The following MEI4 variants were observed in gnomAD, a reference collection of about 807,000 sequenced individuals.
The protein encoded by MEI4 is meiotic double-stranded break formation protein 4, also known as meiosis-specific protein MEI4.
In MEI4, 27 loss-of-function variants were observed where a neutral mutation model predicts 31.4. The ratio of observed to expected loss-of-function variants is 0.86; its 90% confidence interval spans 0.63 to 1.19. The LOEUF (loss-of-function observed/expected upper bound fraction) is 1.19. Among genes scored for constraint, MEI4 ranks in the 50% most tolerant of loss-of-function variants. The pLI, the probability that MEI4 is intolerant of heterozygous loss-of-function variation, is 0.00. For synonymous variants in MEI4, 122 were observed against 145.4 expected (o/e 0.84, Z 1.16); for missense variants, 329 against 398.9 (o/e 0.82, Z 1.49).
chr6:77,716,973 G>A lies in MEI4; in HGVS notation c.232+26070G>A, dbSNP rs369050462. ...AGGGGTGGGTTGCCCCTACACACCT[G>A]TGGGTGTTTCTCGTAAGGTGGGACG... On this transcript the variant is annotated intron_variant, in intron 2 of 4. Coordinates refer to ENST00000684080, the MANE Select transcript of MEI4 (RefSeq NM_001322247.2). The A allele has an allele frequency of 5.3e-4, 160 of 303,240 alleles. 1 individual carries two copies. Among genetic ancestry groups the A allele is most frequent in the African/African-American group, 3.3e-3 (147 of 43,894 alleles). The allele number at this position is 303,240 out of a possible 1,614,324, so 18.8% of individuals were successfully genotyped here.
chr6:77,777,762 C>T (rs959009475), intron 3 of MEI4, among the ~76,000 whole-genome samples: 6 of 151,820 alleles, frequency 4.0e-5, no homozygotes, highest in African/African-American at 1.4e-4. Flanking sequence ...ATGGGGGAAC[C>T]AAAGAGCAGG....
At chr6:77,793,086 G>A (rs1768981682) in intron 3 of MEI4, among the ~76,000 whole-genome samples, 1 of 152,058 alleles carries the variant, frequency 6.6e-6, no homozygotes, top group Admixed American at 6.6e-5. Flanking sequence ...AAAATCATTT[G>A]ACCATAGTGC....
chr6:77,894,961 A>G (rs920142563), intron 4 of MEI4, among the ~76,000 whole-genome samples: 10 of 152,136 alleles, frequency 6.6e-5, no homozygotes, highest in Admixed American at 2.6e-4. Context: ...CCCTCACTGG[A>G]TATTTAAACA....
At chr6:77,892,745 G>A (rs1332748620) in intron 4 of MEI4, among the ~76,000 whole-genome samples, 1 of 152,154 alleles carries the variant, frequency 6.6e-6, no homozygotes, top group African/African-American at 2.4e-5. Flanking sequence ...CAGCTCTCTG[G>A]ATAAATGTAG....
chr6:77,865,749 T>C (rs1385094611), intron 4 of MEI4, among the ~76,000 whole-genome samples: 2 of 152,164 alleles, frequency 1.3e-5, no homozygotes, highest in Non-Finnish European at 2.9e-5. Flanking sequence ...ATCATCCTGA[T>C]ACCAAAGCCT....
At chr6:77,803,532 G>A (rs554010827) in intron 3 of MEI4, among the ~76,000 whole-genome samples, 1 of 152,276 alleles carries the variant, frequency 6.6e-6, no homozygotes, top group South Asian at 2.1e-4. Flanking sequence ...CGTTCCTTTG[G>A]TGGAGAAGAG....
intron 3 of MEI4, among the ~76,000 whole-genome samples, chr6:77,764,058 C>G (rs987682543): frequency 6.6e-6 from 1 of 152,084 alleles, no homozygotes; most frequent in South Asian, 2.1e-4. Context: ...GTGATCTGCC[C>G]ACTTCGGTCT....
At chr6:77,743,691 C>T (rs1767487827) in intron 2 of MEI4, among the ~76,000 whole-genome samples, 1 of 152,148 alleles carries the variant, frequency 6.6e-6, no homozygotes, top group African/African-American at 2.4e-5. Context: ...CCCCTGACCC[C>T]CGAGCAGCCT....
chr6:77,768,010 A>C (rs2127685350), intron 3 of MEI4, among the ~76,000 whole-genome samples: 1 of 152,292 alleles, frequency 6.6e-6, no homozygotes, highest in African/African-American at 2.4e-5. Context: ...ATAGTTTATA[A>C]AGTACTTTCA....
chr6:77,877,362 A>G (rs1046426157), intron 4 of MEI4, among the ~76,000 whole-genome samples: 1 of 152,040 alleles, frequency 6.6e-6, no homozygotes, highest in Middle Eastern at 3.2e-3. Flanking sequence ...GTGTTGAAAC[A>G]TATGTCATTG....
intron 4 of MEI4, among the ~76,000 whole-genome samples, chr6:77,861,419 T>A (rs1182805738): frequency 2.0e-5 from 3 of 152,250 alleles, no homozygotes; most frequent in Non-Finnish European, 4.4e-5. Context: ...TCCACTTTTT[T>A]AATTTTGGTT....
chr6:77,898,291 A>G (rs1230812127), intron 4 of MEI4, among the ~76,000 whole-genome samples: 1 of 152,032 alleles, frequency 6.6e-6, no homozygotes, highest in Admixed American at 6.6e-5. Context: ...ATAAAAAAGG[A>G]TAATTTATTA....
intron 2 of MEI4, among the ~76,000 whole-genome samples, chr6:77,707,139 C>T (rs888918460): frequency 2.0e-5 from 3 of 151,858 alleles, no homozygotes; most frequent in African/African-American, 4.8e-5. Flanking sequence ...TGGTTCTGAC[C>T]GAAATGGTGA....
chr6:77,797,725 G>C (rs1769118787), intron 3 of MEI4, among the ~76,000 whole-genome samples: 1 of 152,164 alleles, frequency 6.6e-6, no homozygotes, highest in African/African-American at 2.4e-5. Context: ...CAGCAAGCCA[G>C]CTTATCCCAT....
chr6:77,834,206 A>C (rs1368865359), intron 4 of MEI4, among the ~76,000 whole-genome samples: 2 of 151,876 alleles, frequency 1.3e-5, no homozygotes, highest in Non-Finnish European at 2.9e-5. Flanking sequence ...TGGAACATTT[A>C]TTTCTTTCTA....
intron 3 of MEI4, among the ~76,000 whole-genome samples, chr6:77,762,617 T>C (rs1386841596): frequency 1.3e-5 from 2 of 152,180 alleles, no homozygotes; most frequent in East Asian, 3.8e-4. Context: ...TGATCTAACA[T>C]TTAGGGTTTT....
chr6:77,727,665 G>T (rs1296256190), intron 2 of MEI4, among the ~76,000 whole-genome samples: 1 of 152,110 alleles, frequency 6.6e-6, no homozygotes, highest in Non-Finnish European at 1.5e-5. Context: ...TTTGATTCTG[G>T]TCTTTCACAG....
rs186345012 is a variant in MEI4 at position 77,752,539 on chromosome 6, T to C, written c.233-8591T>C. Among the ~76,000 whole-genome samples, 212 of 152,148 alleles carry C rather than the reference T, an allele frequency of 1.4e-3. 1 individual carries two copies. Among genetic ancestry groups the C allele is most frequent in the African/African-American group, 4.5e-3 (186 of 41,496 alleles). On this transcript the variant is annotated intron_variant, in intron 2 of 4. Coordinates refer to ENST00000684080, the MANE Select transcript of MEI4 (RefSeq NM_001322247.2). ...ACTAAGAGAATAAAATACCTAGGAA[T>C]ACAACTTACAAGGGATGTGAAGGAT...
chr6:77,890,469 C>G (rs1455559920), intron 4 of MEI4, among the ~76,000 whole-genome samples: 2 of 152,162 alleles, frequency 1.3e-5, no homozygotes, highest in African/African-American at 4.8e-5. Flanking sequence ...GCCTGTACCC[C>G]CATTGCTTAC....
Sources: allele counts gnomAD v4.1 joint callset (sites outside exome capture counted in the v4.1 genomes callset), GRCh38; gene constraint gnomAD v4.1.1; transcripts MANE v1.5; gene names NCBI Gene and HGNC (gene_info 2026-07-23, HGNC 2026-07-21).